Variants in PDXP observed in about 807,000 individuals in gnomAD.
PDXP encodes the protein chronophin.
In PDXP, 15 loss-of-function variants were observed where a neutral mutation model predicts 14.4. The observed-to-expected ratio is 1.04, with a 90% CI of 0.70 to 1.60. PDXP has a LOEUF of 1.60. PDXP is among the 40% of genes most tolerant of loss of function. The pLI is 0.00. For missense variants in PDXP, 413 were observed against 427.6 expected (o/e 0.97, Z 0.30); for synonymous variants, 233 against 205.6 (o/e 1.13, Z -1.14).
intron 1 of PDXP, among the ~76,000 whole-genome samples, chr22:37,660,628 A>G (rs1933184060): frequency 6.6e-6 from 1 of 152,208 alleles, no homozygotes; most frequent in African/African-American, 2.4e-5. Context: ...GGACAGGTTA[A>G]TAGCCCAGTC....
At chr22:37,663,915 T>G (rs984721004) in intron 1 of PDXP, among the ~76,000 whole-genome samples, 1 of 135,196 alleles carries the variant, frequency 7.4e-6, no homozygotes, top group African/African-American at 2.8e-5. Context: ...CTGGAATACG[T>G]TGACTTTTTT....
chr22:37,659,176 G>T lies in PDXP; in HGVS notation c.394G>T (p.Asp132Tyr), dbSNP rs1298473380. ...CGCCGCGGGGCTGCGCCTGGCCGGG[G>T]ACCCGAGCGCGGGGGACGGCGCGGC... ...LRAAGLRLAG[D>Y]PSAGDGAAPR... Residue 132 changes from aspartate (D) to tyrosine (Y), a missense_variant, in exon 1 of 2, where the codon GAC (aspartate) becomes TAC (tyrosine). Coordinates refer to ENST00000215904, the MANE Select transcript of PDXP (RefSeq NM_020315.5). The T allele has an allele frequency of 2.6e-6, 3 of 1,172,382 alleles. No homozygotes were observed. The highest frequency in any genetic ancestry group is 3.2e-6 in the Non-Finnish European group (3 of 950,108). The allele number at this position is 1,172,382 out of a possible 1,614,324, so 72.6% of individuals were successfully genotyped here.
At position 37,658,832 on chromosome 22, in the gene PDXP, G is replaced by C; in HGVS notation, c.50G>C (p.Gly17Ala). 8.4e-7 allele frequency: 1 copy of C among 1,193,418 alleles called. No homozygotes were observed. Among genetic ancestry groups the C allele is most frequent in the Non-Finnish European group, 1.0e-6 (1 of 962,698 alleles). The allele number at this position is 1,193,418 out of a possible 1,614,324, so 73.9% of individuals were successfully genotyped here. A position where few individuals can be genotyped will look rare whatever the true frequency, so the allele number is the denominator to read the frequency against. ...LRGAALRDVL[G>A]RAQGVLFDCD... The stretch of plus-strand genomic sequence containing the variant: ...GGAGCGGCCCTGCGCGACGTGCTGG[G>C]CCGGGCGCAGGGGGTCCTGTTCGAC... The change falls in exon 1 of 2, where the codon GGC (glycine) becomes GCC (alanine). Residue 17 changes from glycine (G) to alanine (A), a missense_variant. By Grantham distance (60) the Gly-to-Ala change is moderately conservative. Transcript: ENST00000215904.
intron 1 of PDXP, among the ~76,000 whole-genome samples, chr22:37,663,919 C>CTTTTTT (rs11335821): frequency 2.0e-5 from 2 of 98,310 alleles, no homozygotes; most frequent in African/African-American, 4.5e-5. Flanking sequence ...AATACGTTGA[C>CTTTTTT]TTTTTTTTTT....
In PDXP at chr22:37,665,630, A is replaced by T. The variant is rs142028345; in HGVS notation, c.650A>T (p.Tyr217Phe). The change falls in exon 2 of 2, where the codon TAC becomes TTC. Residue 217 changes from tyrosine (Y) to phenylalanine (F), a missense_variant. Coordinates refer to ENST00000215904, the MANE Select transcript of PDXP (RefSeq NM_020315.5). ...CTGGTGGTGGGCAAGCCCAGCCCCTACATGTTCGAGTGCATCACGGAGAAC... is the reference window on the plus strand; with the variant it reads ...CTGGTGGTGGGCAAGCCCAGCCCCTTCATGTTCGAGTGCATCACGGAGAAC... ...QALVVGKPSP[Y>F]MFECITENFS... is the part of the protein sequence containing the mutation. 8.2e-3 allele frequency: 13,230 copies of T among 1,613,920 alleles called. 59 individuals carry two copies. The highest frequency in any genetic ancestry group is 0.013 in the Middle Eastern group (79 of 6,062).
At chr22:37,664,675 T>A (rs114115043) in intron 1 of PDXP, among the ~76,000 whole-genome samples, 1 of 152,190 alleles carries the variant, frequency 6.6e-6, no homozygotes, top group African/African-American at 2.4e-5. Flanking sequence ...TCAGGGACAT[T>A]AGCATGAAGG....
Position 37,658,822 on chromosome 22 carries a change from G to C in PDXP, c.40G>C (p.Asp14His), listed in dbSNP as rs757916043. 1.5e-4 allele frequency: 180 copies of C among 1,186,518 alleles called. No homozygotes were observed. The highest frequency in any genetic ancestry group is 1.8e-4 in the Non-Finnish European group (169 of 958,630). 73.5% of individuals were successfully genotyped at this position (1,186,518 alleles called of 1,614,324 possible). A position where few individuals can be genotyped will look rare whatever the true frequency, so the allele number is the denominator to read the frequency against. Residue 14 changes from aspartate to histidine, a missense_variant, in exon 1 of 2, where the codon GAC becomes CAC. Physicochemically the swap from Asp to His is moderately conservative, Grantham distance 81. Coordinates refer to ENST00000215904, the MANE Select transcript of PDXP (RefSeq NM_020315.5). ...CERLRGAALR[D>H]VLGRAQGVLF... Reference sequence around the variant, plus strand: ...GAGGCTGCGCGGAGCGGCCCTGCGCGACGTGCTGGGCCGGGCGCAGGGGGT... The same window carrying C: ...GAGGCTGCGCGGAGCGGCCCTGCGCCACGTGCTGGGCCGGGCGCAGGGGGT...
chr22:37,659,694 C>T (rs1327302414), intron 1 of PDXP, among the ~76,000 whole-genome samples: 1 of 152,140 alleles, frequency 6.6e-6, no homozygotes, highest in African/African-American at 2.4e-5. Flanking sequence ...AAACACCATT[C>T]CCAGAGGCAG....
rs572288015 is a variant in PDXP, at chr22:37,659,239, C to T, written c.457C>T (p.His153Tyr). 1 of 1,320,704 alleles carries T rather than the reference C, an allele frequency of 7.6e-7. No homozygotes were observed. Among genetic ancestry groups the T allele is most frequent in the Non-Finnish European group, 9.7e-7 (1 of 1,030,574 alleles). 81.8% of individuals were successfully genotyped at this position (1,320,704 alleles called of 1,614,324 possible). ...VRAVLVGYDEHFSFAKLREAC... is the reference protein window; with the variant it reads ...VRAVLVGYDEYFSFAKLREAC... ...CGCCGTGCTTGTGGGCTACGACGAG[C>T]ACTTCTCCTTCGCCAAGCTGAGGGA... Residue 153 changes from histidine (H) to tyrosine (Y), a missense_variant, in exon 1 of 2, where the codon CAC becomes TAC. Physicochemically the swap from His to Tyr is moderately conservative, Grantham distance 83. Coordinates refer to ENST00000215904, the MANE Select transcript of PDXP (RefSeq NM_020315.5).
Position 37,665,915 on chromosome 22 carries a change from T to C in PDXP, c.*44T>C. The C allele has an allele frequency of 2.6e-6, 4 of 1,564,360 alleles. No individual in the cohort carries two copies. Among genetic ancestry groups the C allele is most frequent in the Non-Finnish European group, 3.5e-6 (4 of 1,142,834 alleles). ...CACAGGCCCACCCCTCCCCACTCCC[T>C]GATCCCGTAGGTGGAGGCGATGGGT... On this transcript the variant is annotated 3_prime_UTR_variant, in exon 2 of 2. Coordinates refer to ENST00000215904, the MANE Select transcript of PDXP (RefSeq NM_020315.5).
rs776503403 is a variant in PDXP at position 37,659,255 on chromosome 22, A to G, written c.473A>G (p.Lys158Arg). 2.3e-6 allele frequency: 3 copies of G among 1,324,294 alleles called. No individual in the cohort carries two copies. The highest frequency in any genetic ancestry group is 4.7e-5 in the South Asian group (2 of 42,682). 82.0% of individuals were successfully genotyped at this position (1,324,294 alleles called of 1,614,324 possible). A position where few individuals can be genotyped will look rare whatever the true frequency, so the allele number is the denominator to read the frequency against. ...VGYDEHFSFA[K>R]LREACAHLRD... ...TACGACGAGCACTTCTCCTTCGCCA[A>G]GCTGAGGGAGGCGTGCGCGCACCTG... Residue 158 changes from lysine to arginine, a missense_variant, in exon 1 of 2, where the codon AAG becomes AGG. Coordinates refer to ENST00000215904, the MANE Select transcript of PDXP (RefSeq NM_020315.5).
chr22:37,665,631 C>T lies in PDXP; in HGVS notation c.651C>T (p.Tyr217=), dbSNP rs1270035200. Residue 217 remains tyrosine (Y), a synonymous_variant, in exon 2 of 2, where the codon TAC becomes TAT. Transcript: ENST00000215904. ...QALVVGKPSP[Y]MFECITENFS... Reference sequence around the variant, plus strand: ...TGGTGGTGGGCAAGCCCAGCCCCTACATGTTCGAGTGCATCACGGAGAACT... The same window carrying T: ...TGGTGGTGGGCAAGCCCAGCCCCTATATGTTCGAGTGCATCACGGAGAACT... 4 of 1,613,864 alleles carry T rather than the reference C, an allele frequency of 2.5e-6. No individual in the cohort carries two copies. Among genetic ancestry groups the T allele is most frequent in the South Asian group, 1.1e-5 (1 of 91,088 alleles).
chr22:37,658,947 G>T lies in PDXP; in HGVS notation c.165G>T (p.Leu55=). ...ERLARAGKAA[L]FVSNNSRRAR... ...TGGCGCGGGCCGGCAAGGCGGCTCT[G>T]TTTGTGAGCAACAACAGCCGGCGCG... is the stretch of plus-strand genomic sequence containing the variant. The change falls in exon 1 of 2, where the codon CTG becomes CTT. Residue 55 remains leucine, a synonymous_variant. Coordinates refer to ENST00000215904, the MANE Select transcript of PDXP (RefSeq NM_020315.5). The T allele has an allele frequency of 8.2e-7, 1 of 1,216,114 alleles. No homozygotes were observed. The highest frequency in any genetic ancestry group is 1.0e-6 in the Non-Finnish European group (1 of 975,172). The allele number at this position is 1,216,114 out of a possible 1,614,324, so 75.3% of individuals were successfully genotyped here. A position where few individuals can be genotyped will look rare whatever the true frequency, so the allele number is the denominator to read the frequency against.
At position 37,665,559 on chromosome 22, in the gene PDXP, C is replaced by G. The variant is rs200494221; in HGVS notation, c.579C>G (p.Thr193=). 1.2e-6 allele frequency: 2 copies of G among 1,603,222 alleles called. No individual in the cohort carries two copies. Among genetic ancestry groups the G allele is most frequent in the Middle Eastern group, 1.7e-4 (1 of 6,034 alleles). Reference sequence around the variant, plus strand: ...TGCGTCTCCATCTCCCTACAGGCACCGGGAGCCTGGCCGCTGCAGTGGAGA... The same window carrying G: ...TGCGTCTCCATCTCCCTACAGGCACGGGGAGCCTGGCCGCTGCAGTGGAGA... The part of the protein sequence containing the change: ...PLSDGSRTPG[T]GSLAAAVETA... Residue 193 remains threonine (T), a synonymous_variant, in exon 2 of 2, where the codon ACC becomes ACG. Transcript: ENST00000215904.
chr22:37,666,077 G>C lies in PDXP; in HGVS notation c.*206G>C, dbSNP rs1037919757. 6 of 618,872 alleles carry C rather than the reference G, an allele frequency of 9.7e-6. No homozygotes were observed. The highest frequency in any genetic ancestry group is 1.8e-5 in the Non-Finnish European group (6 of 341,884). 38.3% of individuals were successfully genotyped at this position (618,872 alleles called of 1,614,324 possible). On this transcript the variant is annotated 3_prime_UTR_variant, in exon 2 of 2. Transcript: ENST00000215904. Reference sequence around the variant, plus strand: ...GCACTCTTTGCTGCCCCAGAAGCTGGTCCCCTATGGATTCATCTTGGCCTG... The same window carrying C: ...GCACTCTTTGCTGCCCCAGAAGCTGCTCCCCTATGGATTCATCTTGGCCTG...
At position 37,658,738 on chromosome 22, in the gene PDXP, C is replaced by A; in HGVS notation, c.-45C>A. On this transcript the variant is annotated 5_prime_UTR_variant, in exon 1 of 2. Transcript: ENST00000215904. ...ACGTGCCAGGGAGAGCGCGCCGTGC[C>A]CGCGGAGAGAGCGCGGCGCGGGAGG... 9.0e-7 allele frequency: 1 copy of A among 1,108,692 alleles called. No individual in the cohort carries two copies. Among genetic ancestry groups the A allele is most frequent in the Non-Finnish European group, 1.1e-6 (1 of 898,850 alleles). The allele number at this position is 1,108,692 out of a possible 1,614,324, so 68.7% of individuals were successfully genotyped here.
At position 37,665,948 on chromosome 22, in the gene PDXP, C is replaced by T; in HGVS notation, c.*77C>T. 7.0e-7 allele frequency: 1 copy of T among 1,418,532 alleles called. No individual in the cohort carries two copies. Among genetic ancestry groups the T allele is most frequent in the Non-Finnish European group, 9.7e-7 (1 of 1,030,996 alleles). The allele number at this position is 1,418,532 out of a possible 1,614,324, so 87.9% of individuals were successfully genotyped here. On this transcript the variant is annotated 3_prime_UTR_variant, in exon 2 of 2. Coordinates refer to ENST00000215904, the MANE Select transcript of PDXP (RefSeq NM_020315.5). ...TAGGTGGAGGCGATGGGTCACGAGCCATGTTAAGCACAACCGGCTCCTTGG... is the reference window on the plus strand; with the variant it reads ...TAGGTGGAGGCGATGGGTCACGAGCTATGTTAAGCACAACCGGCTCCTTGG...
At chr22:37,660,065 T>G (rs1314837339) in intron 1 of PDXP, among the ~76,000 whole-genome samples, 1 of 152,194 alleles carries the variant, frequency 6.6e-6, no homozygotes, top group Non-Finnish European at 1.5e-5. Context: ...CAGCCTGTAG[T>G]CCCAGCTACT....
chr22:37,658,928 G>A lies in PDXP; in HGVS notation c.146G>A (p.Arg49Gln), dbSNP rs1332915624. The A allele has an allele frequency of 3.3e-6, 4 of 1,217,334 alleles. No homozygotes were observed. In the South Asian group the frequency reaches 9.3e-5, roughly 28 times the overall value. The allele number at this position is 1,217,334 out of a possible 1,614,324, so 75.4% of individuals were successfully genotyped here. ...CCGGAGCTGCTGGAGCGGCTGGCGCGGGCCGGCAAGGCGGCTCTGTTTGTG... is the reference window on the plus strand; with the variant it reads ...CCGGAGCTGCTGGAGCGGCTGGCGCAGGCCGGCAAGGCGGCTCTGTTTGTG... ...GAPELLERLA[R>Q]AGKAALFVSN... The change falls in exon 1 of 2, where the codon CGG (arginine) becomes CAG (glutamine). Residue 49 changes from arginine (R) to glutamine (Q), a missense_variant. Arg to Gln is a conservative substitution (Grantham distance 43, BLOSUM62 1). Transcript: ENST00000215904.
Sources: gnomAD v4.1 joint callset for allele counts (sites outside exome capture counted in the v4.1 genomes callset) on GRCh38, gnomAD v4.1.1 for gene constraint, MANE v1.5 for transcripts, NCBI Gene and HGNC (gene_info 2026-07-23, HGNC 2026-07-21) for gene names.